The following CNTNAP2 variants were observed in gnomAD, a reference collection of about 807,000 sequenced individuals.
CNTNAP2 encodes contactin-associated protein-like 2.
In CNTNAP2, 98 loss-of-function variants were observed where a neutral mutation model predicts 155.2. That is an observed-to-expected ratio of 0.63 (90% confidence interval 0.54 to 0.75). The LOEUF (loss-of-function observed/expected upper bound fraction) is 0.75. Ranked by LOEUF, CNTNAP2 falls within the 30% of genes least tolerant of loss-of-function variation. The pLI is 0.00. For synonymous variants in CNTNAP2, 651 were observed against 631.2 expected, an observed-to-expected ratio of 1.03 and a Z score of -0.47; for missense variants, 1,727 against 1,688.1, an observed-to-expected ratio of 1.02 and a Z score of -0.40.
chr7:147,102,282 GAA>G (rs555981471), intron 4 of CNTNAP2, among the ~76,000 whole-genome samples: 19 of 110,606 alleles, frequency 1.7e-4, no homozygotes, highest in African/African-American at 6.0e-4. Flanking sequence ...TAGGCAAAAA[GAA>G]AAAAAAAAAA....
intron 1 of CNTNAP2, among the ~76,000 whole-genome samples, chr7:146,360,869 A>G (rs1017863124): frequency 1.3e-5 from 2 of 152,202 alleles, no homozygotes; most frequent in Non-Finnish European, 2.9e-5. Flanking sequence ...TTATTTCCCC[A>G]GTCACTGACA....
intron 1 of CNTNAP2, among the ~76,000 whole-genome samples, chr7:146,242,521 G>C (rs1799579173): frequency 6.7e-6 from 1 of 149,578 alleles, no homozygotes; most frequent in African/African-American, 2.5e-5. Context: ...CCTGGCAACA[G>C]AGTGAGACTC....
intron 9 of CNTNAP2, among the ~76,000 whole-genome samples, chr7:147,331,214 A>C: frequency 6.6e-6 from 1 of 152,102 alleles, no homozygotes. Context: ...TTGAGGTACA[A>C]TGTTCCCTGG....
At chr7:146,225,833 T>A (rs949239116) in intron 1 of CNTNAP2, among the ~76,000 whole-genome samples, 1 of 152,232 alleles carries the variant, frequency 6.6e-6, no homozygotes, top group African/African-American at 2.4e-5. Flanking sequence ...AATAATTTCA[T>A]ATAATTAGTC....
At chr7:146,885,615 T>C (rs1264483079) in intron 3 of CNTNAP2, among the ~76,000 whole-genome samples, 4 of 152,178 alleles carry the variant, frequency 2.6e-5, no homozygotes, top group Non-Finnish European at 5.9e-5. Context: ...GATTTTAATC[T>C]TACAGAGAAA....
intron 8 of CNTNAP2, among the ~76,000 whole-genome samples, chr7:147,185,583 A>G (rs184771285): frequency 1.9e-4 from 29 of 152,356 alleles, no homozygotes; most frequent in African/African-American, 6.0e-4. Context: ...ACAACTACAT[A>G]CAGAAATAGA....
rs749569937 is a variant in CNTNAP2, at chr7:147,225,748, AAGGAAGGAAG to A, written c.1349-74392_1349-74383del. On this transcript the variant is annotated intron_variant, in intron 8 of 23. Coordinates refer to ENST00000361727, the MANE Select transcript of CNTNAP2 (RefSeq NM_014141.6). ...ACTTTAAGTTAGGAAGGAAAGAAGG[AAGGAAGGAAG>A]GAAGGAAGGAAGGAAGGAAGGAAGG... 7.5e-3 allele frequency among the ~76,000 whole-genome samples: 232 copies of A among 30,992 alleles called. 4 individuals carry two copies. The highest frequency in any genetic ancestry group is 0.014 in the Non-Finnish European group (188 of 13,804). 20.3% of individuals were successfully genotyped at this position (30,992 alleles called of 152,430 possible).
chr7:147,121,981 G>T (rs1186254087), intron 6 of CNTNAP2: 1 of 152,050 alleles, frequency 6.6e-6, no homozygotes, highest in Non-Finnish European at 1.5e-5. Flanking sequence ...TTCAAGACCA[G>T]CCGGACAAAC....
chr7:147,145,613 G>A (rs1405099351), intron 8 of CNTNAP2, among the ~76,000 whole-genome samples: 1 of 152,070 alleles, frequency 6.6e-6, no homozygotes, highest in Non-Finnish European at 1.5e-5. Flanking sequence ...TGAATAACAA[G>A]TTAACACGTT....
At chr7:148,368,262 A>G (rs1798821575) in intron 21 of CNTNAP2, among the ~76,000 whole-genome samples, 1 of 152,096 alleles carries the variant, frequency 6.6e-6, no homozygotes, top group South Asian at 2.1e-4. Context: ...CTGCAAGTTG[A>G]GGGGTGGGGG....
chr7:146,714,147 C>T (rs758069601), intron 1 of CNTNAP2, among the ~76,000 whole-genome samples: 89 of 152,260 alleles, frequency 5.8e-4, no homozygotes, highest in Admixed American at 1.2e-3. Context: ...CCTTCCGTGA[C>T]GCATGATCAT....
intron 8 of CNTNAP2, among the ~76,000 whole-genome samples, chr7:147,176,702 T>TATATATAATAGAATTATATATA (rs1563103812): frequency 0.033 from 1,860 of 56,984 alleles, 22 homozygotes; most frequent in South Asian, 0.12. Context: ...AATTATATAT[T>TATATATAATAGAATTATATATA]ATATATAATA....
intron 9 of CNTNAP2, among the ~76,000 whole-genome samples, chr7:147,370,275 G>A (rs1054178514): frequency 8.5e-5 from 13 of 152,176 alleles, no homozygotes; most frequent in African/African-American, 2.4e-4. Context: ...TACTGTTTCC[G>A]TGCATCTGTA....
chr7:146,245,210 CAG>C (rs1271195533), intron 1 of CNTNAP2, among the ~76,000 whole-genome samples: 4 of 151,912 alleles, frequency 2.6e-5, no homozygotes, highest in African/African-American at 4.8e-5. Context: ...TCAGGTGGAT[CAG>C]AGAGATACAG....
intron 4 of CNTNAP2, among the ~76,000 whole-genome samples, chr7:147,067,089 G>A (rs781579167): frequency 7.9e-5 from 12 of 152,022 alleles, no homozygotes; most frequent in African/African-American, 1.4e-4. Flanking sequence ...TCAAGAGACC[G>A]AGGCCATCCT....
chr7:146,972,700 G>A (rs889604419), intron 3 of CNTNAP2, among the ~76,000 whole-genome samples: 2 of 152,154 alleles, frequency 1.3e-5, no homozygotes, highest in Non-Finnish European at 2.9e-5. Context: ...TAGTTATAAA[G>A]AGAAGTTTGG....
intron 1 of CNTNAP2, among the ~76,000 whole-genome samples, chr7:146,576,351 G>A (rs1005694086): frequency 2.6e-5 from 4 of 152,090 alleles, no homozygotes; most frequent in African/African-American, 9.7e-5. Context: ...ACACTTTTAG[G>A]GGATATGTGT....
intron 14 of CNTNAP2, among the ~76,000 whole-genome samples, chr7:147,905,787 G>A (rs1366926486): frequency 6.6e-6 from 1 of 152,128 alleles, no homozygotes. Context: ...GGGAGGCTGA[G>A]GCAGGAGAAT....
intron 1 of CNTNAP2, among the ~76,000 whole-genome samples, chr7:146,197,365 A>G (rs1375778484): frequency 1.3e-5 from 2 of 152,200 alleles, no homozygotes; most frequent in African/African-American, 4.8e-5. Flanking sequence ...ACAGCTTACT[A>G]TGAAGATTGA....
Sources: allele counts gnomAD v4.1 joint callset (sites outside exome capture counted in the v4.1 genomes callset), GRCh38; gene constraint gnomAD v4.1.1; transcripts MANE v1.5; gene names NCBI Gene and HGNC (gene_info 2026-07-23, HGNC 2026-07-21).